The following XYLT1 variants were observed in gnomAD, a reference collection of about 807,000 sequenced individuals.
XYLT1 encodes beta-D-xylosyltransferase 1.
Under a neutral mutation model 91.3 loss-of-function variants are expected in XYLT1, and 36 were observed. That is an observed-to-expected ratio of 0.39 (90% CI 0.30 to 0.52). The LOEUF (loss-of-function observed/expected upper bound fraction) is 0.52. XYLT1 is among the 20% of genes least tolerant of loss of function. XYLT1 has a pLI of 0.68. For synonymous variants in XYLT1, 588 were observed against 532.0 expected, an observed-to-expected ratio of 1.11 and a Z score of -1.45; for missense variants, 1,242 against 1,284.5, an observed-to-expected ratio of 0.97 and a Z score of 0.51.
chr16:17,395,903 T>C (rs1046656901), intron 1 of XYLT1, among the ~76,000 whole-genome samples: 1 of 152,188 alleles, frequency 6.6e-6, no homozygotes, highest in Admixed American at 6.5e-5. Flanking sequence ...CTGTTCACCA[T>C]TCCTACAATC....
chr16:17,137,132 A>C (rs2030759487), intron 8 of XYLT1, among the ~76,000 whole-genome samples: 1 of 152,136 alleles, frequency 6.6e-6, no homozygotes, highest in Admixed American at 6.5e-5. Context: ...CTTAAGGGGA[A>C]TACGAACGAC....
chr16:17,224,703 T>A (rs1339871099), intron 3 of XYLT1, among the ~76,000 whole-genome samples: 1 of 152,146 alleles, frequency 6.6e-6, no homozygotes, highest in Non-Finnish European at 1.5e-5. Context: ...CAACATCCAT[T>A]TTCCCCTCTG....
intron 1 of XYLT1, among the ~76,000 whole-genome samples, chr16:17,467,579 A>C (rs970253492): frequency 2.6e-5 from 4 of 152,210 alleles, no homozygotes; most frequent in Non-Finnish European, 5.9e-5. Context: ...TTTTATGGAC[A>C]TGCCCTCTGA....
intron 6 of XYLT1, among the ~76,000 whole-genome samples, chr16:17,153,932 A>C (rs2031344005): frequency 6.6e-6 from 1 of 152,228 alleles, no homozygotes. Context: ...CTATGGAGTA[A>C]TAAAAGAACA....
rs766117846 is a variant in XYLT1, at chr16:17,259,241, C to T, written c.660G>A (p.Gly220=). 6.2e-7 allele frequency: 1 copy of T among 1,614,006 alleles called. No homozygotes were observed. The highest frequency in any genetic ancestry group is 8.5e-7 in the Non-Finnish European group (1 of 1,180,002). Residue 220 remains glycine (G), a synonymous_variant, in exon 3 of 12, where the codon GGG becomes GGA. Transcript: ENST00000261381. ...GKGPGEVLPP[G]DRAAANSSHG... ...GGCTGCTGTTGGCTGCGGCTCTGTCCCCGGGAGGCAGCACCTCACCGGGGC... is the reference window on the plus strand; with the variant it reads ...GGCTGCTGTTGGCTGCGGCTCTGTCTCCGGGAGGCAGCACCTCACCGGGGC...
intron 3 of XYLT1, among the ~76,000 whole-genome samples, chr16:17,224,626 A>C (rs1195281063): frequency 6.6e-6 from 1 of 152,156 alleles, no homozygotes. Context: ...TGGCTTCATG[A>C]ACTCTTGAAG....
intron 2 of XYLT1, among the ~76,000 whole-genome samples, chr16:17,323,941 C>G (rs1180830610): frequency 6.6e-6 from 1 of 152,196 alleles, no homozygotes; most frequent in Non-Finnish European, 1.5e-5. Flanking sequence ...AGCTGGCCAA[C>G]TTCAGATCTA....
chr16:17,160,722 G>A (rs796660813), intron 5 of XYLT1, among the ~76,000 whole-genome samples: 2 of 152,306 alleles, frequency 1.3e-5, no homozygotes, highest in African/African-American at 2.4e-5. Context: ...CATCTCCCGC[G>A]TGGTTAAACC....
chr16:17,171,079 C>A lies in XYLT1; in HGVS notation c.1290-12170G>T, dbSNP rs189207691. On this transcript the variant is annotated intron_variant, in intron 5 of 11. Coordinates refer to ENST00000261381, the MANE Select transcript of XYLT1 (RefSeq NM_022166.4). The stretch of plus-strand genomic sequence containing the variant: ...TGATACAGAAACTGGTATCAGAAGT[C>A]GGGTAATGAGTGTTGAGCCAGTGAA... Among the ~76,000 whole-genome samples the A allele has an allele frequency of 4.6e-5, 7 of 152,192 alleles. No individual in the cohort carries two copies. The East Asian group carries it at 5.8e-4, about 13-fold the overall frequency.
rs746520744 is a variant in XYLT1, at chr16:17,470,755, C to T, written c.42G>A (p.Ser14=). The T allele has an allele frequency of 1.8e-6, 2 of 1,098,628 alleles. No homozygotes were observed. The highest frequency in any genetic ancestry group is 4.5e-5 in the South Asian group (2 of 44,594). The allele number at this position is 1,098,628 out of a possible 1,614,324, so 68.1% of individuals were successfully genotyped here. A position where few individuals can be genotyped will look rare whatever the true frequency, so the allele number is the denominator to read the frequency against. ...TGAGCGCCGCGAGCAGCGCCGAGTG[C>T]GAGCGCCGGGCCAGCCTCCGGGCGC... ...APCARRLARR[S]HSALLAALTV... Residue 14 remains serine, a synonymous_variant, in exon 1 of 12, where the codon TCG becomes TCA. Coordinates refer to ENST00000261381, the MANE Select transcript of XYLT1 (RefSeq NM_022166.4).
In XYLT1 at chr16:17,458,998, T is replaced by A. The variant is rs371518268; in HGVS notation, c.363+11436A>T. On this transcript the variant is annotated intron_variant, in intron 1 of 11. Coordinates refer to ENST00000261381, the MANE Select transcript of XYLT1 (RefSeq NM_022166.4). Reference sequence around the variant, plus strand: ...TCGGATGTGTTCAGTTTGTGAGAATTCATCAAGTTGTATATTTAGAGTAAT... The same window carrying A: ...TCGGATGTGTTCAGTTTGTGAGAATACATCAAGTTGTATATTTAGAGTAAT... 1.5e-4 allele frequency among the ~76,000 whole-genome samples: 23 copies of A among 152,256 alleles called. No individual in the cohort carries two copies. The East Asian group carries it at 4.3e-3, about 28-fold the overall frequency.
chr16:17,318,445 C>A (rs1309580112), intron 2 of XYLT1, among the ~76,000 whole-genome samples: 13 of 152,212 alleles, frequency 8.5e-5, no homozygotes, highest in Non-Finnish European at 1.3e-4. Context: ...CTAAGTATTA[C>A]CAAGGCTCCC....
intron 2 of XYLT1, among the ~76,000 whole-genome samples, chr16:17,278,994 T>C (rs1449166887): frequency 6.6e-6 from 1 of 152,200 alleles, no homozygotes; most frequent in Non-Finnish European, 1.5e-5. Flanking sequence ...GCCTATTACC[T>C]CTACACACCT....
chr16:17,435,922 G>A (rs1476869240), intron 1 of XYLT1, among the ~76,000 whole-genome samples: 1 of 152,208 alleles, frequency 6.6e-6, no homozygotes, highest in East Asian at 1.9e-4. Context: ...TGTCTCCACT[G>A]ATATGGTTTG....
chr16:17,222,676 G>A (rs1237510937), intron 3 of XYLT1, among the ~76,000 whole-genome samples: 1 of 151,454 alleles, frequency 6.6e-6, no homozygotes, highest in Non-Finnish European at 1.5e-5. Flanking sequence ...CATAATCCCA[G>A]CTACTTGGGA....
intron 2 of XYLT1, among the ~76,000 whole-genome samples, chr16:17,269,165 T>TTTTC (rs748864423): frequency 4.6e-5 from 7 of 151,960 alleles, no homozygotes; most frequent in Non-Finnish European, 7.4e-5. Flanking sequence ...TTGTTTTTCT[T>TTTTC]TTTCTTTCTT....
chr16:17,111,227 G>T (rs552409513), intron 11 of XYLT1, among the ~76,000 whole-genome samples: 1 of 152,102 alleles, frequency 6.6e-6, no homozygotes, highest in South Asian at 2.1e-4. Context: ...ACGTAAGAGT[G>T]ACTACTACTA....
At chr16:17,238,146 C>G (rs948519488) in intron 3 of XYLT1, among the ~76,000 whole-genome samples, 10 of 152,172 alleles carry the variant, frequency 6.6e-5, no homozygotes, top group African/African-American at 2.2e-4. Context: ...CCTGGAGAAA[C>G]AAGTTGCAGT....
rs1298106036 is a variant in XYLT1 at position 17,259,509 on chromosome 16, G to T, written c.403-11C>A. On this transcript the variant is annotated splice_polypyrimidine_tract_variant and intron_variant, in intron 2 of 11. Transcript: ENST00000261381. ...AGAAAAGTAGCCATCCTGGAGAAGA[G>T]GGGAGAGAAACAGAAGAGAAACTTG... 6.2e-7 allele frequency: 1 copy of T among 1,600,414 alleles called. No individual in the cohort carries two copies. The highest frequency in any genetic ancestry group is 2.2e-5 in the East Asian group (1 of 44,708).
Sources: allele counts gnomAD v4.1 joint callset (sites outside exome capture counted in the v4.1 genomes callset), GRCh38; gene constraint gnomAD v4.1.1; transcripts MANE v1.5; gene names NCBI Gene and HGNC (gene_info 2026-07-23, HGNC 2026-07-21).